The following FRMD4A variants were observed in gnomAD, a reference collection of about 807,000 sequenced individuals.
FRMD4A encodes FERM domain-containing protein 4A.
Under a neutral mutation model 129.1 loss-of-function variants are expected in FRMD4A, and 29 were observed. The ratio of observed to expected loss-of-function variants is 0.22; its 90% CI spans 0.17 to 0.31. The LOEUF is 0.31. Among genes scored for constraint, FRMD4A ranks in the 10% least tolerant of loss-of-function variants. The pLI, the probability that FRMD4A is intolerant of heterozygous loss-of-function variation, is 1.00. For synonymous variants in FRMD4A, 634 were observed against 571.6 expected (o/e 1.11, Z -1.56); for missense variants, 1,272 against 1,375.8 (o/e 0.92, Z 1.19).
Position 14,197,320 on chromosome 10 carries a change from G to A in FRMD4A, c.45+132738C>T, listed in dbSNP as rs543475129. ...AGACAATATGAATAATAATATTGGCGTATAACACATAAAACAAAATTGTTC... is the reference window on the plus strand; with the variant it reads ...AGACAATATGAATAATAATATTGGCATATAACACATAAAACAAAATTGTTC... On this transcript the variant is annotated intron_variant, in intron 2 of 24. Coordinates refer to ENST00000357447, the MANE Select transcript of FRMD4A (RefSeq NM_018027.5). Among the ~76,000 whole-genome samples the A allele has an allele frequency of 1.1e-4, 16 of 152,244 alleles. No individual in the cohort carries two copies. In the South Asian group the frequency reaches 1.7e-3, roughly 16 times the overall value.
At chr10:14,171,385 C>T (rs1841468157) in intron 2 of FRMD4A, among the ~76,000 whole-genome samples, 1 of 152,138 alleles carries the variant, frequency 6.6e-6, no homozygotes, top group Non-Finnish European at 1.5e-5. Flanking sequence ...AGCAGTGTGC[C>T]CAAGTGAATC....
At chr10:13,738,252 A>G (rs2090764666) in intron 11 of FRMD4A, among the ~76,000 whole-genome samples, 1 of 152,036 alleles carries the variant, frequency 6.6e-6, no homozygotes, top group African/African-American at 2.4e-5. Context: ...TTTTCCTTCT[A>G]AGAATTTAGG....
chr10:13,976,585 C>T (rs1455462233), intron 2 of FRMD4A, among the ~76,000 whole-genome samples: 2 of 151,982 alleles, frequency 1.3e-5, no homozygotes, highest in Non-Finnish European at 2.9e-5. Flanking sequence ...TTGCCTGGCT[C>T]TGGGAATGTT....
chr10:13,699,224 GTTTTTTTTTTTTT>G (rs1168489802), intron 14 of FRMD4A, among the ~76,000 whole-genome samples: 1 of 76,272 alleles, frequency 1.3e-5, no homozygotes, highest in Non-Finnish European at 2.4e-5. Context: ...CTTGGTTATT[GTTTTTTTTTTTTT>G]TTTTTTTTTT....
At chr10:13,844,104 C>T (rs144366033) in intron 3 of FRMD4A, among the ~76,000 whole-genome samples, 3 of 152,030 alleles carry the variant, frequency 2.0e-5, no homozygotes, top group Middle Eastern at 3.4e-3. Flanking sequence ...TATATGAATG[C>T]GTATGTGAGT....
rs771921465 is a variant in FRMD4A, at chr10:13,760,044, AAAG to A, written c.464+1600_464+1602del. Among the ~76,000 whole-genome samples, 14 of 152,112 alleles carry A rather than the reference AAAG, an allele frequency of 9.2e-5. No individual in the cohort carries two copies. In the East Asian group the frequency reaches 2.1e-3, roughly 23 times the overall value. ...TTTAACTGATTGGAAAAAGAAACCA[AAAG>A]AAGAAGAATATTTTGTGATACATGA... is the stretch of plus-strand genomic sequence containing the variant. On this transcript the variant is annotated intron_variant, in intron 8 of 24. Coordinates refer to ENST00000357447, the MANE Select transcript of FRMD4A (RefSeq NM_018027.5).
intron 2 of FRMD4A, among the ~76,000 whole-genome samples, chr10:13,933,895 G>A (rs1224397018): frequency 6.6e-6 from 1 of 152,144 alleles, no homozygotes; most frequent in Non-Finnish European, 1.5e-5. Flanking sequence ...GACCCATCAG[G>A]GAAGCTGAAC....
intron 12 of FRMD4A, among the ~76,000 whole-genome samples, chr10:13,717,979 G>A (rs1316790723): frequency 6.6e-6 from 1 of 152,128 alleles, no homozygotes; most frequent in Non-Finnish European, 1.5e-5. Context: ...ATCTGTGCGA[G>A]GCAAAAAAAG....
At chr10:13,972,832 T>C (rs1228202364) in intron 2 of FRMD4A, among the ~76,000 whole-genome samples, 1 of 152,246 alleles carries the variant, frequency 6.6e-6, no homozygotes, top group Non-Finnish European at 1.5e-5. Flanking sequence ...AGAGCATGTT[T>C]AATCTTTAAT....
chr10:13,986,014 T>G (rs2446584), intron 2 of FRMD4A, among the ~76,000 whole-genome samples: 152,089 of 152,270 alleles, frequency 1, 75,955 homozygotes, highest in Non-Finnish European at 1. Flanking sequence ...GGTCATCTCT[T>G]TTGTCTAGAA....
At chr10:13,684,577 T>C (rs2084909510) in intron 15 of FRMD4A, 2 of 985,328 alleles carry the variant, frequency 2.0e-6, no homozygotes, top group African/African-American at 3.5e-5. Flanking sequence ...TTCAGCCTCA[T>C]TCAGCCGCGA....
chr10:14,057,532 A>G (rs529203681), intron 2 of FRMD4A, among the ~76,000 whole-genome samples: 1 of 151,998 alleles, frequency 6.6e-6, no homozygotes, highest in East Asian at 1.9e-4. Flanking sequence ...CAGTTTTGAA[A>G]CCAAAGGCCT....
chr10:13,960,029 G>A (rs1002169380), intron 2 of FRMD4A, among the ~76,000 whole-genome samples: 2 of 152,168 alleles, frequency 1.3e-5, no homozygotes, highest in African/African-American at 4.8e-5. Flanking sequence ...CATGGTGTAG[G>A]AGGGGCAGCC....
At chr10:14,305,563 G>A (rs745943404) in intron 2 of FRMD4A, among the ~76,000 whole-genome samples, 3 of 152,048 alleles carry the variant, frequency 2.0e-5, no homozygotes, top group Admixed American at 1.3e-4. Flanking sequence ...AGGCCAGATG[G>A]TGTCTCTGTT....
intron 2 of FRMD4A, among the ~76,000 whole-genome samples, chr10:13,965,708 T>C (rs1031409574): frequency 6.6e-6 from 1 of 152,220 alleles, no homozygotes; most frequent in Admixed American, 6.5e-5. Context: ...TGACAAGTTA[T>C]GAATTGGAAA....
intron 2 of FRMD4A, among the ~76,000 whole-genome samples, chr10:13,954,261 T>A (rs2095394277): frequency 6.6e-6 from 1 of 152,198 alleles, no homozygotes; most frequent in African/African-American, 2.4e-5. Context: ...CACCTGAGAC[T>A]GAGTAATTTA....
At chr10:13,945,715 T>A (rs2095326500) in intron 2 of FRMD4A, among the ~76,000 whole-genome samples, 1 of 152,206 alleles carries the variant, frequency 6.6e-6, no homozygotes, top group Admixed American at 6.5e-5. Flanking sequence ...GGCCATTTAA[T>A]AAAGCTCACT....
intron 2 of FRMD4A, among the ~76,000 whole-genome samples, chr10:13,924,081 C>T (rs912060144): frequency 6.6e-5 from 10 of 152,140 alleles, no homozygotes; most frequent in African/African-American, 2.4e-4. Flanking sequence ...TAAGAAGAAG[C>T]TTTTTAAGAT....
intron 2 of FRMD4A, among the ~76,000 whole-genome samples, chr10:14,310,090 C>T (rs1035284224): frequency 6.6e-6 from 1 of 152,226 alleles, no homozygotes; most frequent in African/African-American, 2.4e-5. Context: ...CTTCGAGGAT[C>T]CTACCTCTCA....
Sources: gnomAD v4.1 joint callset for allele counts (sites outside exome capture counted in the v4.1 genomes callset) on GRCh38, gnomAD v4.1.1 for gene constraint, MANE v1.5 for transcripts, NCBI Gene and HGNC (gene_info 2026-07-23, HGNC 2026-07-21) for gene names.